CACNA1C: variants seen among roughly 807,000 people sequenced by gnomAD.
CACNA1C encodes calcium voltage-gated channel subunit alpha1 C.
CACNA1C carries 30 observed loss-of-function variants against 229.0 expected under a neutral mutation model. That is an observed-to-expected ratio of 0.13 (90% CI 0.10 to 0.18). The LOEUF (loss-of-function observed/expected upper bound fraction) is 0.18, where lower values mean the gene tolerates loss of function less well. Ranked by LOEUF, CACNA1C falls within the 10% of genes least tolerant of loss-of-function variation. The probability of loss-of-function intolerance (pLI) is 1.00; values close to 1 mark genes in which losing one functional copy is unlikely to be tolerated. For synonymous variants in CACNA1C, 1,114 were observed against 1,132.5 expected, an observed-to-expected ratio of 0.98 and a Z score of 0.33; for missense variants, 1,658 against 2,845.0, an observed-to-expected ratio of 0.58 and a Z score of 9.49.
In CACNA1C at chr12:2,651,292, G is replaced by T. The variant is rs890288302; in HGVS notation, c.3946-348G>T. On this transcript the variant is annotated intron_variant, in intron 31 of 46. Coordinates refer to ENST00000399655, the MANE Select transcript of CACNA1C (RefSeq NM_000719.7). The surrounding 1 kb of genome is among the most constrained non-coding windows in gnomAD (Gnocchi z 5.4). ...CAGAGGAGGGGTTCCCAGGGCAGCT[G>T]GCTCTGGGCCTAGAAGATTCCAAAG... 5.3e-6 allele frequency: 2 copies of T among 375,486 alleles called. No homozygotes were observed. Among genetic ancestry groups the T allele is most frequent in the Non-Finnish European group, 9.6e-6 (2 of 207,334 alleles). 23.3% of individuals were successfully genotyped at this position (375,486 alleles called of 1,614,324 possible).
chr12:2,139,869 G>A (rs1010075855), intron 3 of CACNA1C, among the ~76,000 whole-genome samples: 1 of 151,216 alleles, frequency 6.6e-6, no homozygotes, highest in South Asian at 2.1e-4. Context: ...GGCCTCATGC[G>A]ACATGCCCTG....
intron 5 of CACNA1C, among the ~76,000 whole-genome samples, chr12:2,472,622 A>C (rs899949318): frequency 5.9e-5 from 9 of 152,150 alleles, no homozygotes; most frequent in Non-Finnish European, 1.0e-4. Context: ...ATCTCTCTAC[A>C]CACCCACATA....
chr12:2,605,591 T>C lies in CACNA1C; in HGVS notation c.3049-88T>C, dbSNP rs2074950302. 14 of 921,062 alleles carry C rather than the reference T, an allele frequency of 1.5e-5. 1 individual carries two copies. The African/African-American group carries it at 1.8e-4, about 12-fold the overall frequency. 57.1% of individuals were successfully genotyped at this position (921,062 alleles called of 1,614,324 possible). A position where few individuals can be genotyped will look rare whatever the true frequency, so the allele number is the denominator to read the frequency against. On this transcript the variant is annotated intron_variant, in intron 23 of 46. Transcript: ENST00000399655. The surrounding 1 kb of genome is among the most constrained non-coding windows in gnomAD (Gnocchi z 6.2). ...CTCTCAGCCCAATTACTCCCCGTTG[T>C]GGCAAACGGGCTGCCCCTGCTACCT... is the stretch of plus-strand genomic sequence containing the variant.
chr12:2,475,096 G>A (rs934622961), intron 5 of CACNA1C, among the ~76,000 whole-genome samples: 7 of 152,064 alleles, frequency 4.6e-5, no homozygotes, highest in African/African-American at 1.2e-4. Context: ...TCAGGAGATC[G>A]AGACCATCCT....
chr12:2,343,762 T>G (rs1027123538), intron 3 of CACNA1C, among the ~76,000 whole-genome samples: 1 of 152,134 alleles, frequency 6.6e-6, no homozygotes. Context: ...AGCTATTATT[T>G]ACAGGGCAGT....
intron 5 of CACNA1C, among the ~76,000 whole-genome samples, chr12:2,468,032 G>T (rs552113612): frequency 5.3e-5 from 8 of 152,180 alleles, no homozygotes; most frequent in Admixed American, 4.6e-4. Context: ...AGGAGCCACC[G>T]CACCAGATAG....
Position 2,595,742 on chromosome 12 carries a change from G to A in CACNA1C, c.2664-132G>A. 1 of 706,326 alleles carries A rather than the reference G, an allele frequency of 1.4e-6. No individual in the cohort carries two copies. Among genetic ancestry groups the A allele is most frequent in the Non-Finnish European group, 2.3e-6 (1 of 428,480 alleles). 43.8% of individuals were successfully genotyped at this position (706,326 alleles called of 1,614,324 possible). ...CAGCAGTAAGACTTCAGAATGAAGA[G>A]GTCACTTCAGGCCAACAAGCACCTG... is the stretch of plus-strand genomic sequence containing the variant. On this transcript the variant is annotated intron_variant, in intron 19 of 46. Transcript: ENST00000399655. The surrounding 1 kb of genome is among the most constrained non-coding windows in gnomAD (Gnocchi z 4.1).
chr12:2,327,477 C>G (rs2096367560), intron 3 of CACNA1C, among the ~76,000 whole-genome samples: 1 of 152,194 alleles, frequency 6.6e-6, no homozygotes, highest in Non-Finnish European at 1.5e-5. Flanking sequence ...CTTCCTGATT[C>G]TGATTCTGAT....
chr12:2,568,816 G>C (rs181025706), intron 13 of CACNA1C, among the ~76,000 whole-genome samples: 25 of 152,228 alleles, frequency 1.6e-4, no homozygotes, highest in Admixed American at 1.6e-3. Flanking sequence ...ATGGAGGATG[G>C]TGGTGGTTTC....
chr12:2,257,631 G>A (rs976408906), intron 3 of CACNA1C, among the ~76,000 whole-genome samples: 1 of 152,238 alleles, frequency 6.6e-6, no homozygotes, highest in Non-Finnish European at 1.5e-5. Flanking sequence ...ACAGGCCATG[G>A]ACCGGTACCT....
chr12:2,302,363 G>A (rs1477662988), intron 3 of CACNA1C, among the ~76,000 whole-genome samples: 2 of 151,778 alleles, frequency 1.3e-5, no homozygotes, highest in East Asian at 1.9e-4. Flanking sequence ...CTGCTTGCTA[G>A]TGCCAGGCTG....
At chr12:2,208,640 C>T (rs981407139) in intron 3 of CACNA1C, among the ~76,000 whole-genome samples, 1 of 152,168 alleles carries the variant, frequency 6.6e-6, no homozygotes, top group Non-Finnish European at 1.5e-5. Context: ...TGATATTTAC[C>T]AACCCATACA....
At chr12:2,307,443 G>A (rs1049484051) in intron 3 of CACNA1C, among the ~76,000 whole-genome samples, 3 of 152,222 alleles carry the variant, frequency 2.0e-5, no homozygotes, top group Non-Finnish European at 2.9e-5. Flanking sequence ...GCCAGGACTA[G>A]CACCCAGCTC....
rs1336883078 is a variant in CACNA1C, at chr12:2,053,159, G to A, written c.-404G>A. On this transcript the variant is annotated 5_prime_UTR_variant, in exon 1 of 47. Coordinates refer to ENST00000399655, the MANE Select transcript of CACNA1C (RefSeq NM_000719.7). The surrounding 1 kb of genome is among the most constrained non-coding windows in gnomAD (Gnocchi z 5.8). ...GCCTCAGGAGGACTCGCTGGGAGTG[G>A]GCAGAGGCGCCTCGGCCCCTGCCGG... 1.6e-5 allele frequency: 16 copies of A among 991,528 alleles called. No homozygotes were observed. The highest frequency in any genetic ancestry group is 1.8e-5 in the Non-Finnish European group (15 of 834,356). The allele number at this position is 991,528 out of a possible 1,614,324, so 61.4% of individuals were successfully genotyped here. A position where few individuals can be genotyped will look rare whatever the true frequency, so the allele number is the denominator to read the frequency against.
At chr12:1,999,592 G>A (rs6489342) in intron 1 of CACNA1C, among the ~76,000 whole-genome samples, 23,587 of 151,962 alleles carry the variant, frequency 0.16, 1,925 homozygotes, top group East Asian at 0.21. Context: ...CAGGTGTGGT[G>A]GCACATGCCG....
rs142085891 is a variant in CACNA1C, at chr12:2,599,316, G to A, written c.2853+2027G>A. Among the ~76,000 whole-genome samples the A allele has an allele frequency of 3.3e-4, 50 of 152,242 alleles. 1 individual carries two copies. The highest frequency in any genetic ancestry group is 1.0e-3 in the African/African-American group (43 of 41,536). On this transcript the variant is annotated intron_variant, in intron 21 of 46. Coordinates refer to ENST00000399655, the MANE Select transcript of CACNA1C (RefSeq NM_000719.7). ...GGTCCCTCTTCCCGGCCTAAGGCCC[G>A]GTGTCATGTCATGGCACAGATGACC...
intron 3 of CACNA1C, among the ~76,000 whole-genome samples, chr12:2,366,882 G>A (rs1038606033): frequency 6.6e-6 from 1 of 152,182 alleles, no homozygotes; most frequent in South Asian, 2.1e-4. Flanking sequence ...CAAAGCAGGG[G>A]AGACAGAGAG....
At chr12:2,130,297 T>A (rs2091883311) in intron 3 of CACNA1C, among the ~76,000 whole-genome samples, 1 of 151,908 alleles carries the variant, frequency 6.6e-6, no homozygotes. Context: ...TATCTCTTTT[T>A]TTTTTCTTTT....
At chr12:2,031,992 T>TG (rs2048306299) in intron 1 of CACNA1C, among the ~76,000 whole-genome samples, 1 of 87,438 alleles carries the variant, frequency 1.1e-5, no homozygotes, top group Admixed American at 9.4e-5. Flanking sequence ...TGTGAGTGTG[T>TG]TTGTGTGTGT....
Sources: allele counts gnomAD v4.1 joint callset (sites outside exome capture counted in the v4.1 genomes callset), GRCh38; gene constraint gnomAD v4.1.1; non-coding constraint Gnocchi (gnomAD v3.1); transcripts MANE v1.5; gene names NCBI Gene and HGNC (gene_info 2026-07-23, HGNC 2026-07-21).